The following KLC3 variants were observed in gnomAD, a reference collection of about 807,000 sequenced individuals.
The protein encoded by KLC3 is kinesin light chain 3.
Under a neutral mutation model 62.9 loss-of-function variants are expected in KLC3, and 72 were observed. That is an observed-to-expected ratio of 1.15 (90% confidence interval 0.95 to 1.39). KLC3 has a LOEUF of 1.39. KLC3 is among the 40% of genes most tolerant of loss of function. The pLI is 0.00. For synonymous variants in KLC3, 377 were observed against 300.5 expected, an observed-to-expected ratio of 1.25 and a Z score of -2.63; for missense variants, 848 against 691.6, an observed-to-expected ratio of 1.23 and a Z score of -2.54.
rs1025556238 is a variant in KLC3 at position 45,346,772 on chromosome 19, C to A, written c.487C>A (p.Gln163Lys). 6.3e-7 allele frequency: 1 copy of A among 1,575,418 alleles called. No homozygotes were observed. The highest frequency in any genetic ancestry group is 8.6e-7 in the Non-Finnish European group (1 of 1,161,668). ...ACAGTACGACCCACCGGCGGAGAGCCAGGTGCCACGGGCAGGGCGAGGCGG... is the reference window on the plus strand; with the variant it reads ...ACAGTACGACCCACCGGCGGAGAGCAAGGTGCCACGGGCAGGGCGAGGCGG... ...LRQYDPPAES[Q>K]QSESPPRRDS... The change falls in exon 3 of 13, where the codon CAG becomes AAG. Residue 163 changes from glutamine (Q) to lysine (K), a missense_variant and splice_region_variant. Gln to Lys is a moderately conservative substitution (Grantham distance 53, BLOSUM62 1). Transcript: ENST00000391946.
chr19:45,347,856 G>T lies in KLC3; in HGVS notation c.560-85G>T, dbSNP rs1006215231. On this transcript the variant is annotated intron_variant, in intron 4 of 12. Coordinates refer to ENST00000391946, the MANE Select transcript of KLC3 (RefSeq NM_177417.3). ...TCCCAGGGGCCAGTTAGGCAGTCCG[G>T]CAGTTCTGAGGCACGTGTCCCCTCA... 3.5e-6 allele frequency: 4 copies of T among 1,151,848 alleles called. No individual in the cohort carries two copies. The African/African-American group carries it at 6.1e-5, about 18-fold the overall frequency. 71.4% of individuals were successfully genotyped at this position (1,151,848 alleles called of 1,614,324 possible). A position where few individuals can be genotyped will look rare whatever the true frequency, so the allele number is the denominator to read the frequency against.
chr19:45,350,809 C>T (rs1568528281), intron 11 of KLC3, 62 bp downstream of exon 11: 2 of 1,365,062 alleles, frequency 1.5e-6, no homozygotes, highest in Non-Finnish European at 2.0e-6. Flanking sequence ...CCCACCCCAC[C>T]CCCACCCCCA....
chr19:45,342,126 G>A (rs1678157276), intron 1 of KLC3, among the ~76,000 whole-genome samples: 1 of 152,096 alleles, frequency 6.6e-6, no homozygotes, highest in South Asian at 2.1e-4. Context: ...GGAGTGGTGT[G>A]TGTAAGGCTG....
chr19:45,351,407 G>A lies in KLC3; in HGVS notation c.*50G>A, dbSNP rs1314709345. 3.8e-6 allele frequency: 6 copies of A among 1,599,756 alleles called. No homozygotes were observed. Among genetic ancestry groups the A allele is most frequent in the Non-Finnish European group, 5.1e-6 (6 of 1,176,400 alleles). On this transcript the variant is annotated 3_prime_UTR_variant, in exon 13 of 13. Transcript: ENST00000391946. Reference sequence around the variant, plus strand: ...AGCTTCTTGGGAACAGTGCAGGAGGGATGGGCTGGTGGGGTGAGAGGGGGT... The same window carrying A: ...AGCTTCTTGGGAACAGTGCAGGAGGAATGGGCTGGTGGGGTGAGAGGGGGT...
At position 45,346,708 on chromosome 19, in the gene KLC3, G is replaced by A; in HGVS notation, c.423G>A (p.Glu141=). 1.3e-6 allele frequency: 2 copies of A among 1,579,306 alleles called. No homozygotes were observed. The highest frequency in any genetic ancestry group is 1.4e-5 in the African/African-American group (1 of 73,992). ...RASEESVAQL[E]EEKRHLEFLG... The stretch of plus-strand genomic sequence containing the variant: ...GCGAGGAGTCCGTGGCCCAGCTGGA[G>A]GAGGAGAAGCGCCACCTGGAGTTCC... Residue 141 remains glutamate, a synonymous_variant, in exon 3 of 13, where the codon GAG becomes GAA. Coordinates refer to ENST00000391946, the MANE Select transcript of KLC3 (RefSeq NM_177417.3).
chr19:45,349,081 C>A (rs1201949520), intron 7 of KLC3, among the ~76,000 whole-genome samples, 160 bp downstream of exon 7: 1 of 152,102 alleles, frequency 6.6e-6, no homozygotes, highest in Non-Finnish European at 1.5e-5. Context: ...TCACCCTTGA[C>A]CTTCTGAGAT....
At chr19:45,349,818 G>A (rs1225778005) in intron 8 of KLC3, 50 of 548,902 alleles carry the variant, frequency 9.1e-5, no homozygotes, top group South Asian at 1.8e-4. Flanking sequence ...CCAGTGAAGC[G>A]GAAGCTGGCA....
At chr19:45,342,577 C>G (rs1391631748) in intron 1 of KLC3, among the ~76,000 whole-genome samples, 1 of 152,060 alleles carries the variant, frequency 6.6e-6, no homozygotes, top group African/African-American at 2.4e-5. Flanking sequence ...ACCAGCCCGG[C>G]CAACATGGTG....
At chr19:45,344,055 T>G (rs1971439933) in intron 1 of KLC3, among the ~76,000 whole-genome samples, 1 of 151,794 alleles carries the variant, frequency 6.6e-6, no homozygotes, top group Admixed American at 6.6e-5. Context: ...CTTGAACTCC[T>G]GGGCTCAAGT....
chr19:45,343,365 G>C (rs1157310304), intron 1 of KLC3, among the ~76,000 whole-genome samples: 2 of 152,024 alleles, frequency 1.3e-5, no homozygotes, highest in Non-Finnish European at 2.9e-5. Context: ...ACGGAGTTTT[G>C]CTCTTGTCAC....
In KLC3 at chr19:45,347,448, A is replaced by T; in HGVS notation, c.491A>T (p.Gln164Leu). 1.2e-6 allele frequency: 2 copies of T among 1,610,884 alleles called. No homozygotes were observed. The highest frequency in any genetic ancestry group is 2.2e-5 in the South Asian group (2 of 90,756). Residue 164 changes from glutamine (Q) to leucine (L), a missense_variant and splice_region_variant, in exon 4 of 13, where the codon CAG becomes CTG. Transcript: ENST00000391946. ...RQYDPPAESQ[Q>L]SESPPRRDSL... ...CCCCCCACTTTCCTGTCTCTGCAGC[A>T]GTCTGAGTCCCCGCCTCGCCGAGAC... is the stretch of plus-strand genomic sequence containing the variant.
chr19:45,346,193 A>G (rs1971486779), intron 2 of KLC3, among the ~76,000 whole-genome samples: 1 of 152,122 alleles, frequency 6.6e-6, no homozygotes, highest in African/African-American at 2.4e-5. Context: ...GCAGAGAGGC[A>G]CATCCGGGGC....
chr19:45,346,205 G>C (rs1971487086), intron 2 of KLC3, among the ~76,000 whole-genome samples: 1 of 152,082 alleles, frequency 6.6e-6, no homozygotes, highest in Non-Finnish European at 1.5e-5. Flanking sequence ...ATCCGGGGCA[G>C]GGGGAGGCCT....
rs1971699068 is a variant in KLC3, at chr19:45,350,659, TCA to T, written c.1293_1294del (p.Ser433GlnfsTer4). 6.2e-7 allele frequency: 1 copy of T among 1,613,518 alleles called. No homozygotes were observed. Among genetic ancestry groups the T allele is most frequent in the Admixed American group, 1.7e-5 (1 of 59,960 alleles). On this transcript the variant is annotated frameshift_variant, in exon 11 of 13. Transcript: ENST00000391946. LOFTEE classifies it high-confidence loss of function. The stretch of plus-strand genomic sequence containing the variant: ...TCCCCAGGCCCTTCGCCGCAGCAGC[TCA>T]CTCTCCAAGATCCGTGAGTCTATCA... Reference protein sequence around the residue: ...DAEQALRRSSSLSKIRESIRR... With the variant: ...DAEQALRRSSXLSKIRESIRR...
chr19:45,349,681 T>G (rs1599713687), intron 8 of KLC3, 79 bp downstream of exon 8: 9 of 902,358 alleles, frequency 1.0e-5, no homozygotes, highest in South Asian at 7.2e-5. Context: ...GGATACAGGG[T>G]GAGCAACGTG....
chr19:45,350,516 GCCC>G lies in KLC3; in HGVS notation c.1240_1242del (p.Pro414del), dbSNP rs767548719. ...GTGTCCCCCATCTTTCCCCCTAGGT[GCCC>G]CCAACACAGGCACAGCTGGTGACGC... On this transcript the variant is annotated inframe_deletion, in exon 10 of 13. Coordinates refer to ENST00000391946, the MANE Select transcript of KLC3 (RefSeq NM_177417.3). 2.3e-5 allele frequency: 37 copies of G among 1,613,356 alleles called. No individual in the cohort carries two copies. In the East Asian group the frequency reaches 8.0e-4, roughly 35 times the overall value.
rs3916891 is a variant in KLC3, at chr19:45,351,458, C to G, written c.*101C>G. The G allele has an allele frequency of 0.017, 26,359 of 1,582,584 alleles. 248 individuals are homozygous for G. The highest frequency in any genetic ancestry group is 0.026 in the Middle Eastern group (156 of 5,906). Reference sequence around the variant, plus strand: ...CTATCATCTCCTGGCCCCCCCTTGCCTCTGGGTACCTGGTGGATAGCTGCC... The same window carrying G: ...CTATCATCTCCTGGCCCCCCCTTGCGTCTGGGTACCTGGTGGATAGCTGCC... On this transcript the variant is annotated 3_prime_UTR_variant, in exon 13 of 13. Coordinates refer to ENST00000391946, the MANE Select transcript of KLC3 (RefSeq NM_177417.3).
rs1024045768 is a variant in KLC3 at position 45,349,337 on chromosome 19, T to C, written c.970-92T>C. The C allele has an allele frequency of 5.2e-6, 7 of 1,334,872 alleles. No homozygotes were observed. In the South Asian group the frequency reaches 9.8e-5, roughly 19 times the overall value. The allele number at this position is 1,334,872 out of a possible 1,614,324, so 82.7% of individuals were successfully genotyped here. ...CAGGTCACTCTCTGCTTTGACCCTG[T>C]AATCCCCAACTCATGACCACCATAC... On this transcript the variant is annotated intron_variant, in intron 7 of 12. Coordinates refer to ENST00000391946, the MANE Select transcript of KLC3 (RefSeq NM_177417.3).
In KLC3 at chr19:45,348,046, G is replaced by T; in HGVS notation, c.665G>T (p.Arg222Leu). Residue 222 changes from arginine to leucine, a missense_variant, in exon 5 of 13, where the codon CGC (arginine) becomes CTC (leucine). Physicochemically the swap from Arg to Leu is moderately radical, Grantham distance 102. Transcript: ENST00000391946. The part of the protein sequence containing the change: ...NLVIQYAGQG[R>L]YEVAVPLCRQ... ...GTGATCCAGTACGCGGGGCAGGGCC[G>T]CTATGAGGTGGCGGTGCCTCTGTGC... The T allele has an allele frequency of 6.2e-7, 1 of 1,603,926 alleles. No homozygotes were observed. Among genetic ancestry groups the T allele is most frequent in the South Asian group, 1.1e-5 (1 of 89,386 alleles).
Sources: gnomAD v4.1 joint callset for allele counts (sites outside exome capture counted in the v4.1 genomes callset) on GRCh38, gnomAD v4.1.1 for gene constraint, MANE v1.5 for transcripts, NCBI Gene and HGNC (gene_info 2026-07-23, HGNC 2026-07-21) for gene names.